GRIA1: variants seen among roughly 807,000 people sequenced by gnomAD.
The protein encoded by GRIA1 is glutamate receptor 1.
In GRIA1, 31 loss-of-function variants were observed where a neutral mutation model predicts 99.2. That is an observed-to-expected ratio of 0.31 (90% CI 0.23 to 0.42). The LOEUF (loss-of-function observed/expected upper bound fraction) is 0.42. Ranked by LOEUF, GRIA1 falls within the 10% of genes least tolerant of loss-of-function variation. GRIA1 has a pLI of 1.00. For synonymous variants in GRIA1, 438 were observed against 432.4 expected (o/e 1.01, Z -0.16); for missense variants, 782 against 1,157.5 (o/e 0.68, Z 4.71).
Position 153,812,869 on chromosome 5 carries a change from C to T in GRIA1, c.*1644C>T, listed in dbSNP as rs1041857399. ...GCATGATTCAGTGCGTGCCATGTGT[C>T]ATTAGCTTTTACTGATAACCATATT... On this transcript the variant is annotated 3_prime_UTR_variant, in exon 16 of 16. Coordinates refer to ENST00000285900, the MANE Select transcript of GRIA1 (RefSeq NM_000827.4). 6.6e-6 allele frequency: 1 copy of T among 152,250 alleles called. No homozygotes were observed. The highest frequency in any genetic ancestry group is 1.5e-5 in the Non-Finnish European group (1 of 68,066). The allele number at this position is 152,250 out of a possible 1,614,324, so 9.4% of individuals were successfully genotyped here.
chr5:153,551,360 G>A (rs1760126522), intron 2 of GRIA1, among the ~76,000 whole-genome samples: 1 of 150,554 alleles, frequency 6.6e-6, no homozygotes, highest in South Asian at 2.1e-4. Flanking sequence ...TTTTTTGTTT[G>A]TTTGTTTCTT....
intron 11 of GRIA1, among the ~76,000 whole-genome samples, chr5:153,727,923 A>G (rs1412925370): frequency 2.0e-5 from 3 of 151,394 alleles, no homozygotes; most frequent in African/African-American, 7.3e-5. Context: ...CCGCATCGCC[A>G]AGTCAATCCT....
At chr5:153,774,258 T>G (rs541706916) in intron 13 of GRIA1, among the ~76,000 whole-genome samples, 1 of 152,200 alleles carries the variant, frequency 6.6e-6, no homozygotes, top group South Asian at 2.1e-4. Flanking sequence ...GAAACCATTC[T>G]GCATGACAGA....
chr5:153,811,226 C>G lies in GRIA1; in HGVS notation c.*1C>G, dbSNP rs746374968. The G allele has an allele frequency of 5.6e-6, 9 of 1,612,738 alleles. No homozygotes were observed. Among genetic ancestry groups the G allele is most frequent in the Non-Finnish European group, 7.6e-6 (9 of 1,178,786 alleles). ...GCCCTTGGGAGCCACGGGATTGTAACTGGAGCAGATGGAGACCCCTTGGGG... is the reference window on the plus strand; with the variant it reads ...GCCCTTGGGAGCCACGGGATTGTAAGTGGAGCAGATGGAGACCCCTTGGGG... On this transcript the variant is annotated 3_prime_UTR_variant, in exon 16 of 16. Transcript: ENST00000285900.
chr5:153,700,541 CAT>C (rs1758440418), intron 10 of GRIA1, among the ~76,000 whole-genome samples: 1 of 152,056 alleles, frequency 6.6e-6, no homozygotes, highest in Non-Finnish European at 1.5e-5. Context: ...GTCAGGGATA[CAT>C]ATGAGTAAAA....
chr5:153,593,462 T>C (rs1389696890), intron 2 of GRIA1, among the ~76,000 whole-genome samples: 1 of 152,178 alleles, frequency 6.6e-6, no homozygotes, highest in African/African-American at 2.4e-5. Context: ...TGCAGAATAT[T>C]AAATTAATAT....
chr5:153,639,424 C>T (rs992887281), intron 2 of GRIA1, among the ~76,000 whole-genome samples: 2 of 152,324 alleles, frequency 1.3e-5, no homozygotes, highest in African/African-American at 4.8e-5. Flanking sequence ...GCTCTTCAGT[C>T]TTGTTCCTGA....
At chr5:153,647,864 C>T (rs1754270418) in intron 3 of GRIA1, among the ~76,000 whole-genome samples, 1 of 152,170 alleles carries the variant, frequency 6.6e-6, no homozygotes, top group African/African-American at 2.4e-5. Flanking sequence ...ATGCACTTCC[C>T]TTCTCCAATT....
At chr5:153,766,322 G>A (rs962214178) in intron 12 of GRIA1, among the ~76,000 whole-genome samples, 9 of 152,172 alleles carry the variant, frequency 5.9e-5, no homozygotes, top group Non-Finnish European at 1.3e-4. Context: ...TGCAACAAAA[G>A]TGTGAAGAAG....
intron 13 of GRIA1, among the ~76,000 whole-genome samples, chr5:153,783,995 G>A (rs1764805199): frequency 6.6e-6 from 1 of 152,146 alleles, no homozygotes; most frequent in Admixed American, 6.5e-5. Context: ...CCAATGCAGA[G>A]GTGAGCTTTA....
intron 11 of GRIA1, among the ~76,000 whole-genome samples, chr5:153,721,633 G>T (rs1347085257): frequency 2.1e-4 from 32 of 152,222 alleles, no homozygotes; most frequent in Admixed American, 2.1e-3. Context: ...TATTTTTTGT[G>T]TCTGGCTCTT....
chr5:153,671,567 A>C (rs1756177386), intron 5 of GRIA1, among the ~76,000 whole-genome samples: 1 of 152,224 alleles, frequency 6.6e-6, no homozygotes, highest in African/African-American at 2.4e-5. Context: ...TGAAACTGTA[A>C]ACTGTGGCTG....
chr5:153,581,817 C>T (rs1313082101), intron 2 of GRIA1, among the ~76,000 whole-genome samples: 1 of 149,400 alleles, frequency 6.7e-6, no homozygotes, highest in Admixed American at 6.7e-5. Context: ...GTGGCATGAT[C>T]TCCGCTCACT....
intron 2 of GRIA1, among the ~76,000 whole-genome samples, chr5:153,550,973 ATTC>A (rs1351365480): frequency 3.3e-5 from 5 of 152,174 alleles, no homozygotes; most frequent in African/African-American, 1.2e-4. Context: ...ATGAATTTAT[ATTC>A]TTAACAAGCT....
intron 2 of GRIA1, among the ~76,000 whole-genome samples, chr5:153,569,585 A>G (rs926280187): frequency 6.6e-6 from 1 of 152,246 alleles, no homozygotes; most frequent in African/African-American, 2.4e-5. Context: ...ATAAAATGAT[A>G]ATAACATTGA....
chr5:153,787,007 G>A (rs1347283266), intron 13 of GRIA1, among the ~76,000 whole-genome samples: 4 of 152,192 alleles, frequency 2.6e-5, no homozygotes, highest in African/African-American at 4.8e-5. Context: ...TCAAGGTTTC[G>A]AAGGCAAAAG....
At chr5:153,647,854 AT>A (rs914377345) in intron 3 of GRIA1, among the ~76,000 whole-genome samples, 2 of 152,072 alleles carry the variant, frequency 1.3e-5, no homozygotes, top group Non-Finnish European at 2.9e-5. Flanking sequence ...GTTTTCTGGA[AT>A]GCACTTCCCT....
At chr5:153,640,377 C>T (rs1163289319) in intron 2 of GRIA1, among the ~76,000 whole-genome samples, 5 of 152,248 alleles carry the variant, frequency 3.3e-5, no homozygotes, top group African/African-American at 1.2e-4. Context: ...TGAAATGCTA[C>T]ATTGACACAT....
intron 11 of GRIA1, among the ~76,000 whole-genome samples, chr5:153,711,749 C>G (rs1296184008): frequency 6.6e-6 from 1 of 152,170 alleles, no homozygotes; most frequent in East Asian, 1.9e-4. Context: ...ACCCATGGCC[C>G]CACTTTCCCA....
Sources: gnomAD v4.1 joint callset for allele counts (sites outside exome capture counted in the v4.1 genomes callset) on GRCh38, gnomAD v4.1.1 for gene constraint, MANE v1.5 for transcripts, NCBI Gene and HGNC (gene_info 2026-07-23, HGNC 2026-07-21) for gene names.